TUSC3: variants seen among roughly 807,000 people sequenced by gnomAD.
TUSC3 encodes the protein dolichyl-diphosphooligosaccharide--protein glycosyltransferase subunit TUSC3.
Under a neutral mutation model 44.8 loss-of-function variants are expected in TUSC3, and 45 were observed. The ratio of observed to expected loss-of-function variants is 1.00; its 90% CI spans 0.79 to 1.29. TUSC3 has a LOEUF of 1.29. Among genes scored for constraint, TUSC3 ranks in the 50% most tolerant of loss-of-function variants. The pLI, the probability that TUSC3 is intolerant of heterozygous loss-of-function variation, is 0.00. For synonymous variants in TUSC3, 212 were observed against 152.9 expected, an observed-to-expected ratio of 1.39 and a Z score of -2.85; for missense variants, 519 against 437.9, an observed-to-expected ratio of 1.19 and a Z score of -1.65.
At chr8:15,778,332 T>C in the TUSC3 span, among the ~76,000 whole-genome samples, 1 of 152,162 alleles carries the variant, frequency 6.6e-6, no homozygotes, top group East Asian at 1.9e-4. Flanking sequence ...TACAGTTTAC[T>C]TTTAGGGTCC....
At chr8:15,792,529 C>T in the TUSC3 span, among the ~76,000 whole-genome samples, 1 of 152,136 alleles carries the variant, frequency 6.6e-6, no homozygotes, top group Non-Finnish European at 1.5e-5. Flanking sequence ...GATCGGGGAC[C>T]TCTAGAGGAC....
chr8:15,720,201 T>TATACACACACACACACACACAC (rs369753796), intron 6 of TUSC3, among the ~76,000 whole-genome samples: 7 of 141,612 alleles, frequency 4.9e-5, no homozygotes, highest in Admixed American at 3.6e-4. Flanking sequence ...TATATATATA[T>TATACACACACACACACACACAC]ACACACACAC....
the TUSC3 span, among the ~76,000 whole-genome samples, chr8:15,843,886 T>C: frequency 6.6e-6 from 1 of 152,112 alleles, no homozygotes; most frequent in African/African-American, 2.4e-5. Context: ...TAAATAATGA[T>C]GAAGTCTCAG....
intron 9 of TUSC3, among the ~76,000 whole-genome samples, chr8:15,750,120 C>T (rs750555316): frequency 9.3e-5 from 14 of 151,170 alleles, no homozygotes; most frequent in African/African-American, 2.7e-4. Flanking sequence ...GCTGGGACTA[C>T]GGGTGCCCGC....
intron 9 of TUSC3, among the ~76,000 whole-genome samples, chr8:15,753,396 GTGAT>G (rs1811788487): frequency 6.6e-6 from 1 of 151,926 alleles, no homozygotes. Context: ...AACCCTTCTT[GTGAT>G]CATTCATACG....
the TUSC3 span, among the ~76,000 whole-genome samples, chr8:15,793,228 T>C: frequency 1.3e-5 from 2 of 152,062 alleles, no homozygotes; most frequent in African/African-American, 4.8e-5. Context: ...CATCCATCAT[T>C]TCAGCCCACC....
In TUSC3 at chr8:15,508,370, C is replaced by T. The variant is rs182031331; in HGVS notation, n.189+24887C>T. ...GAACAAGAGAAATGAATGACAAGAT[C>T]TCAGGGAGGGAGAAAGGACATTGGA... On this transcript the variant is annotated intron_variant and non_coding_transcript_variant, in intron 2 of 5. Transcript: ENST00000503191. 8.6e-5 allele frequency among the ~76,000 whole-genome samples: 13 copies of T among 151,116 alleles called. No individual in the cohort carries two copies. In the East Asian group the frequency reaches 2.5e-3, roughly 29 times the overall value.
In TUSC3 at chr8:15,491,064, G is replaced by A. The variant is rs192418929; in HGVS notation, n.189+7581G>A. Among the ~76,000 whole-genome samples the A allele has an allele frequency of 2.9e-3, 437 of 152,336 alleles. 1 individual carries two copies. Among genetic ancestry groups the A allele is most frequent in the Admixed American group, 8.0e-3 (122 of 15,300 alleles). On this transcript the variant is annotated intron_variant and non_coding_transcript_variant, in intron 2 of 5. Transcript: ENST00000503191. ...TTCACTGAACACACATTTTACATATGAGAAGGGGGTAGAGGAATAGTCACA... is the reference window on the plus strand; with the variant it reads ...TTCACTGAACACACATTTTACATATAAGAAGGGGGTAGAGGAATAGTCACA...
chr8:15,513,203 C>T (rs923506949), intron 2 of TUSC3, among the ~76,000 whole-genome samples: 20 of 151,646 alleles, frequency 1.3e-4, no homozygotes, highest in Non-Finnish European at 2.4e-4. Context: ...AAGATTAAGG[C>T]TAACCAACTT....
chr8:15,466,676 A>T (rs1372220142), intron 1 of TUSC3, among the ~76,000 whole-genome samples: 3 of 152,174 alleles, frequency 2.0e-5, no homozygotes, highest in Non-Finnish European at 4.4e-5. Flanking sequence ...TCTGAACAGT[A>T]GATTAAGGAA....
chr8:15,635,391 C>T (rs1475628669), intron 2 of TUSC3, among the ~76,000 whole-genome samples: 2 of 152,102 alleles, frequency 1.3e-5, no homozygotes. Flanking sequence ...TGTCACAATG[C>T]TGGATGCTAG....
chr8:15,637,531 C>A (rs1806137062), intron 2 of TUSC3, among the ~76,000 whole-genome samples: 1 of 152,052 alleles, frequency 6.6e-6, no homozygotes, highest in Non-Finnish European at 1.5e-5. Flanking sequence ...TATTTTGTTT[C>A]AGTTTTCTCT....
rs1810520313 is a variant in TUSC3, at chr8:15,726,967, A to G, written c.799-3699A>G. Among the ~76,000 whole-genome samples the G allele has an allele frequency of 2.0e-5, 3 of 152,188 alleles. No individual in the cohort carries two copies. The South Asian group carries it at 6.2e-4, about 32-fold the overall frequency. On this transcript the variant is annotated intron_variant, in intron 6 of 10. Transcript: ENST00000503731. ...TTCTTGACTATTCACCTGATCTGAA[A>G]ATGCATTGCCCTTAGTTAAATATAT...
At chr8:15,661,587 C>T (rs1807429347) in intron 4 of TUSC3, among the ~76,000 whole-genome samples, 2 of 151,946 alleles carry the variant, frequency 1.3e-5, no homozygotes, top group Non-Finnish European at 2.9e-5. Context: ...TTTCAAATAT[C>T]TGATCAAGAT....
chr8:15,459,915 A>C (rs996750249), intron 1 of TUSC3, among the ~76,000 whole-genome samples: 6 of 151,682 alleles, frequency 4.0e-5, no homozygotes, highest in Admixed American at 3.3e-4. Context: ...CACATACCAC[A>C]GTTTCTTTAT....
rs145854247 is a variant in TUSC3, at chr8:15,606,738, G to C, written c.139-16342G>C. On this transcript the variant is annotated intron_variant, in intron 1 of 10. Coordinates refer to ENST00000503731, the MANE Select transcript of TUSC3 (RefSeq NM_006765.4). ...TTATATTTACGTGTGTACTTTGTCTGATTATTTCTTTAGGATAAATTCCTA... is the reference window on the plus strand; with the variant it reads ...TTATATTTACGTGTGTACTTTGTCTCATTATTTCTTTAGGATAAATTCCTA... Among the ~76,000 whole-genome samples the C allele has an allele frequency of 2.6e-5, 4 of 152,094 alleles. No homozygotes were observed. In the South Asian group the frequency reaches 6.2e-4, roughly 24 times the overall value.
the TUSC3 span, among the ~76,000 whole-genome samples, chr8:15,841,745 C>G: frequency 3.9e-5 from 6 of 152,198 alleles, no homozygotes; most frequent in Non-Finnish European, 8.8e-5. Flanking sequence ...AACTCCTGAC[C>G]TCAGGCGATT....
chr8:15,594,621 C>T (rs759316088), intron 1 of TUSC3, among the ~76,000 whole-genome samples: 18 of 152,074 alleles, frequency 1.2e-4, no homozygotes, highest in Non-Finnish European at 2.5e-4. Flanking sequence ...TAATTATTCC[C>T]TACTATTGCC....
chr8:15,468,704 G>T (rs373852191), intron 1 of TUSC3, among the ~76,000 whole-genome samples: 204 of 152,114 alleles, frequency 1.3e-3, no homozygotes, highest in African/African-American at 4.8e-3. Context: ...TTCTAGAAAG[G>T]AATACAGAAG....
Sources: gnomAD v4.1 joint callset for allele counts (sites outside exome capture counted in the v4.1 genomes callset) on GRCh38, gnomAD v4.1.1 for gene constraint, MANE v1.5 for transcripts, NCBI Gene and HGNC (gene_info 2026-07-23, HGNC 2026-07-21) for gene names.